SPIDR: variants seen among roughly 807,000 people sequenced by gnomAD.
SPIDR encodes DNA repair-scaffolding protein.
Under a neutral mutation model 104.6 loss-of-function variants are expected in SPIDR, and 93 were observed. That is an observed-to-expected ratio of 0.89 (90% confidence interval 0.75 to 1.06). The LOEUF is 1.06. Ranked by LOEUF, SPIDR falls within the 50% of genes least tolerant of loss-of-function variation. The pLI, the probability that SPIDR is intolerant of heterozygous loss-of-function variation, is 0.00. For missense variants in SPIDR, 1,154 were observed against 1,111.2 expected (o/e 1.04, Z -0.55); for synonymous variants, 431 against 416.9 (o/e 1.03, Z -0.41).
chr8:47,576,972 G>A (rs576395505), intron 8 of SPIDR, among the ~76,000 whole-genome samples: 1 of 152,304 alleles, frequency 6.6e-6, no homozygotes, highest in Non-Finnish European at 1.5e-5. Flanking sequence ...GTTTTCACCT[G>A]GAGAAAAATG....
At chr8:47,402,984 A>G (rs1233519467) in intron 6 of SPIDR, among the ~76,000 whole-genome samples, 1 of 152,240 alleles carries the variant, frequency 6.6e-6, no homozygotes, top group Non-Finnish European at 1.5e-5. Context: ...ATGCAGCAGC[A>G]CATGAAAAAG....
chr8:47,547,718 G>A (rs2089673273), intron 8 of SPIDR: 1 of 163,202 alleles, frequency 6.1e-6, no homozygotes, highest in Non-Finnish European at 1.4e-5. Flanking sequence ...GGCATGAGCT[G>A]CCACGGTGGG....
intron 5 of SPIDR, among the ~76,000 whole-genome samples, chr8:47,389,362 A>G (rs991728608): frequency 1.3e-5 from 2 of 152,194 alleles, no homozygotes; most frequent in African/African-American, 4.8e-5. Context: ...ATTTGCGCAA[A>G]GTAATTTTTT....
intron 9 of SPIDR, among the ~76,000 whole-genome samples, chr8:47,597,462 CAT>C (rs1281373626): frequency 5.3e-5 from 8 of 152,272 alleles, no homozygotes; most frequent in Admixed American, 1.3e-4. Context: ...TTACCACAAA[CAT>C]GTGAATACAT....
intron 2 of SPIDR, among the ~76,000 whole-genome samples, chr8:47,280,509 C>G (rs2037546384): frequency 6.6e-6 from 1 of 151,728 alleles, no homozygotes; most frequent in Non-Finnish European, 1.5e-5. Flanking sequence ...TCTCCTGCCT[C>G]AGCCTCTCGA....
At chr8:47,490,581 G>A (rs574735066) in intron 8 of SPIDR, among the ~76,000 whole-genome samples, 1 of 152,314 alleles carries the variant, frequency 6.6e-6, no homozygotes, top group South Asian at 2.1e-4. Context: ...CAGTAGCAAA[G>A]ACTTGGAACC....
rs1466615180 is a variant in SPIDR at position 47,290,164 on chromosome 8, CCT to C, written c.257-868_257-867del. Among the ~76,000 whole-genome samples the C allele has an allele frequency of 2.5e-3, 383 of 152,188 alleles. 2 individuals are homozygous for C. Among genetic ancestry groups the C allele is most frequent in the Non-Finnish European group, 4.0e-3 (269 of 68,010 alleles). ...AAGCGATTCTCCTGCCTCAGCCCCC[CCT>C]GAGTAGCTGGGATTACAGGCACCCG... On this transcript the variant is annotated intron_variant, in intron 3 of 19. Transcript: ENST00000297423.
At chr8:47,363,026 G>T (rs1470994087) in intron 5 of SPIDR, among the ~76,000 whole-genome samples, 1 of 151,974 alleles carries the variant, frequency 6.6e-6, no homozygotes, top group East Asian at 1.9e-4. Context: ...TCCGCCTGCA[G>T]ATGGTCAGCA....
intron 8 of SPIDR, among the ~76,000 whole-genome samples, chr8:47,487,522 A>T (rs1317640045): frequency 6.6e-6 from 1 of 152,182 alleles, no homozygotes; most frequent in African/African-American, 2.4e-5. Context: ...ACATCTACAG[A>T]ACTCTCCACC....
rs2037405021 is a variant in SPIDR at position 47,280,074 on chromosome 8, C to A, written c.189+57C>A. On this transcript the variant is annotated intron_variant, in intron 2 of 19. Transcript: ENST00000297423. Reference sequence around the variant, plus strand: ...TGCCAAAGAGGAAATCCTGAGTGTTCAGAACATTGTAATTACATTTCATTG... The same window carrying A: ...TGCCAAAGAGGAAATCCTGAGTGTTAAGAACATTGTAATTACATTTCATTG... 35 of 1,541,838 alleles carry A rather than the reference C, an allele frequency of 2.3e-5. No homozygotes were observed. In the Middle Eastern group the frequency reaches 5.2e-4, roughly 23 times the overall value.
In SPIDR at chr8:47,466,940, G is replaced by GAT. The variant is rs1371048463; in HGVS notation, c.1097+26400_1097+26401dup. On this transcript the variant is annotated intron_variant, in intron 8 of 19. Coordinates refer to ENST00000297423, the MANE Select transcript of SPIDR (RefSeq NM_001080394.4). ...AGATAGATAGATAGATAGATAGATA[G>GAT]ATAGATAGATATAAAAAATAGACTG... Among the ~76,000 whole-genome samples, 13 of 138,250 alleles carry GAT rather than the reference G, an allele frequency of 9.4e-5. 1 individual carries two copies. Among genetic ancestry groups the GAT allele is most frequent in the East Asian group, 4.1e-4 (2 of 4,902 alleles). 90.7% of individuals were successfully genotyped at this position (138,250 alleles called of 152,430 possible). A position where few individuals can be genotyped will look rare whatever the true frequency, so the allele number is the denominator to read the frequency against.
intron 8 of SPIDR, among the ~76,000 whole-genome samples, chr8:47,489,987 C>A (rs1454321255): frequency 6.6e-6 from 1 of 152,134 alleles, no homozygotes; most frequent in Non-Finnish European, 1.5e-5. Flanking sequence ...GCAACAAAAG[C>A]CAAAATTGAC....
At chr8:47,379,222 A>G (rs2059036206) in intron 5 of SPIDR, among the ~76,000 whole-genome samples, 1 of 152,068 alleles carries the variant, frequency 6.6e-6, no homozygotes, top group African/African-American at 2.4e-5. Context: ...GTGGGCTGTC[A>G]TGAGATTATT....
intron 8 of SPIDR, among the ~76,000 whole-genome samples, chr8:47,500,256 C>G (rs1228015077): frequency 6.6e-6 from 1 of 152,174 alleles, no homozygotes; most frequent in Non-Finnish European, 1.5e-5. Context: ...TACAGTCCCA[C>G]CAACAGTGTA....
At chr8:47,464,733 C>T (rs548446487) in intron 8 of SPIDR, among the ~76,000 whole-genome samples, 139 of 152,052 alleles carry the variant, frequency 9.1e-4, no homozygotes, top group Non-Finnish European at 1.7e-3. Context: ...GTCCTTGCCT[C>T]GCCTCACCTT....
At chr8:47,509,915 C>G (rs1332431697) in intron 8 of SPIDR, among the ~76,000 whole-genome samples, 2 of 152,076 alleles carry the variant, frequency 1.3e-5, no homozygotes, top group Non-Finnish European at 2.9e-5. Context: ...ATACCACACA[C>G]ATGCACACAC....
chr8:47,422,354 C>T (rs2065661223), intron 7 of SPIDR, among the ~76,000 whole-genome samples: 1 of 152,168 alleles, frequency 6.6e-6, no homozygotes. Context: ...AGTTTGATTT[C>T]AGACTGCTGT....
intron 5 of SPIDR, among the ~76,000 whole-genome samples, chr8:47,320,117 T>G (rs1554593735): frequency 6.6e-6 from 1 of 151,884 alleles, no homozygotes; most frequent in African/African-American, 2.4e-5. Flanking sequence ...CTGAAGGAAA[T>G]AGAGACATAA....
intron 10 of SPIDR, among the ~76,000 whole-genome samples, chr8:47,648,522 TGTATGTGTGCACACACTTC>T (rs1310861954): frequency 2.6e-5 from 4 of 152,154 alleles, no homozygotes; most frequent in African/African-American, 9.7e-5. Context: ...TGTGAGAGGG[TGTATGTGTGCACACACTTC>T]CCAGCTCTAC....
Sources: gnomAD v4.1 joint callset for allele counts (sites outside exome capture counted in the v4.1 genomes callset) on GRCh38, gnomAD v4.1.1 for gene constraint, MANE v1.5 for transcripts, NCBI Gene and HGNC (gene_info 2026-07-23, HGNC 2026-07-21) for gene names.